The following ACP6 variants were observed in gnomAD, a reference collection of about 807,000 sequenced individuals.
ACP6 encodes acid phosphatase 6, lysophosphatidic, also known as lysophosphatidic acid phosphatase type 6.
In ACP6, 48 loss-of-function variants were observed where a neutral mutation model predicts 48.1. That is an observed-to-expected ratio of 1.00 (90% confidence interval 0.79 to 1.27). The LOEUF is 1.27. Among genes scored for constraint, ACP6 ranks in the 50% most tolerant of loss-of-function variants. The pLI is 0.00. For synonymous variants in ACP6, 172 were observed against 204.2 expected (o/e 0.84, Z 1.34); for missense variants, 485 against 529.1 (o/e 0.92, Z 0.82).
At chr1:147,639,179 A>T (rs1659386074), downstream of ACP6, among the ~76,000 whole-genome samples, 1 of 152,212 alleles carries the variant, frequency 6.6e-6, no homozygotes, top group Admixed American at 6.5e-5. Context: ...TTCAGAATCC[A>T]TTAAATCTCC....
At chr1:147,641,793 T>C (rs1557875234), downstream of ACP6, among the ~76,000 whole-genome samples, 1 of 152,044 alleles carries the variant, frequency 6.6e-6, no homozygotes, top group Non-Finnish European at 1.5e-5. Context: ...ACACAACTGG[T>C]GAGTGAGGGA....
downstream of ACP6, among the ~76,000 whole-genome samples, chr1:147,640,819 TG>T (rs1177424517): frequency 6.6e-6 from 1 of 152,158 alleles, no homozygotes; most frequent in Non-Finnish European, 1.5e-5. Context: ...AGCTTTTTAC[TG>T]GGGAAAGTGT....
At chr1:147,665,410 G>A (rs950737939) in intron 1 of ACP6, among the ~76,000 whole-genome samples, 1 of 152,188 alleles carries the variant, frequency 6.6e-6, no homozygotes, top group East Asian at 1.9e-4. Flanking sequence ...GTGTTGGTAG[G>A]TAAACACAGA....
At chr1:147,662,689 G>C (rs782621656) in intron 1 of ACP6, among the ~76,000 whole-genome samples, 2 of 152,226 alleles carry the variant, frequency 1.3e-5, no homozygotes, top group Non-Finnish European at 2.9e-5. Flanking sequence ...GGTGAAGATA[G>C]TGTGAACACT....
chr1:147,656,795 C>G (rs587725275), intron 4 of ACP6, among the ~76,000 whole-genome samples: 2 of 152,292 alleles, frequency 1.3e-5, no homozygotes, highest in Admixed American at 1.3e-4. Flanking sequence ...TCCTTGGATT[C>G]TACATCTATG....
chr1:147,632,194 AACACAC>A (rs71584653), intron 5 of ACP6, among the ~76,000 whole-genome samples: 8 of 145,928 alleles, frequency 5.5e-5, no homozygotes, highest in Non-Finnish European at 9.0e-5. Context: ...ACCTATGCCC[AACACAC>A]ACACACACAC....
chr1:147,652,612 T>C (rs782050022), intron 6 of ACP6, 63 bp from the exon 7 acceptor site: 21 of 1,611,362 alleles, frequency 1.3e-5, no homozygotes, highest in Non-Finnish European at 1.7e-5. Context: ...TGGCAGCTGA[T>C]CAGCTTCCAT....
Position 147,652,542 on chromosome 1 carries a change from T to C in ACP6, c.788A>G (p.Asn263Ser), listed in dbSNP as rs1659983358. 4 of 1,613,968 alleles carry C rather than the reference T, an allele frequency of 2.5e-6. No individual in the cohort carries two copies. The highest frequency in any genetic ancestry group is 3.4e-6 in the Non-Finnish European group (4 of 1,179,982). Residue 263 changes from asparagine (N) to serine (S), a missense_variant, in exon 7 of 10, where the codon AAC becomes AGC. By Grantham distance (46) the Asn-to-Ser change is conservative (BLOSUM62 1). Transcript: ENST00000583509. ...CTTCAGCATGGGGCAGCTTGGGAGGTTGTGTGCCTGAAAGGGCCACATGTA... is the reference window on the plus strand; with the variant it reads ...CTTCAGCATGGGGCAGCTTGGGAGGCTGTGTGCCTGAAAGGGCCACATGTA... Reference protein sequence around the residue: ...LDNVAAEQAHNLPSCPMLKRF... With the variant: ...LDNVAAEQAHSLPSCPMLKRF...
chr1:147,652,217 G>T, intron 7 of ACP6: 1 of 448,634 alleles, frequency 2.2e-6, no homozygotes, highest in South Asian at 5.5e-5. Flanking sequence ...AAGTCATGAG[G>T]GTGGTGGCTC....
At chr1:147,649,504 G>T (rs1444251100) in intron 8 of ACP6, among the ~76,000 whole-genome samples, 1 of 151,896 alleles carries the variant, frequency 6.6e-6, no homozygotes, top group Non-Finnish European at 1.5e-5. Context: ...GAGTACAGTG[G>T]TGTGATCTTG....
chr1:147,652,629 T>C (rs782107868), intron 6 of ACP6, 80 bp from the exon 7 acceptor site: 3 of 1,608,984 alleles, frequency 1.9e-6, no homozygotes, highest in Non-Finnish European at 2.5e-6. Flanking sequence ...CCATGGAACC[T>C]GCAGGAGCCC....
In ACP6 at chr1:147,647,306, A is replaced by G; in HGVS notation, c.*117T>C. ...AAACCCACAGAAAGGAAATATCCTT[A>G]CATTATATTAAAGTACATTACCCCT... On this transcript the variant is annotated 3_prime_UTR_variant, in exon 10 of 10. Coordinates refer to ENST00000583509, the MANE Select transcript of ACP6 (RefSeq NM_016361.5). The G allele has an allele frequency of 8.4e-7, 1 of 1,195,206 alleles. No homozygotes were observed. Among genetic ancestry groups the G allele is most frequent in the East Asian group, 2.4e-5 (1 of 42,530 alleles). The allele number at this position is 1,195,206 out of a possible 1,614,324, so 74.0% of individuals were successfully genotyped here. A position where few individuals can be genotyped will look rare whatever the true frequency, so the allele number is the denominator to read the frequency against.
At chr1:147,667,716 G>A (rs1033596459) in intron 1 of ACP6, among the ~76,000 whole-genome samples, 1 of 151,970 alleles carries the variant, frequency 6.6e-6, no homozygotes, top group Admixed American at 6.6e-5. Context: ...ATAACGGCCG[G>A]GTGCTGGCTC....
rs1570961523 is a variant in ACP6 at position 147,654,185 on chromosome 1, A to C, written c.780+9T>G. ...CTATTATCCCAGGCTCCCCAACCCCAGGACTCACCTGCTCGGCAGCCACGT... is the reference window on the plus strand; with the variant it reads ...CTATTATCCCAGGCTCCCCAACCCCCGGACTCACCTGCTCGGCAGCCACGT... On this transcript the variant is annotated intron_variant, in intron 6 of 9. Transcript: ENST00000583509. The C allele has an allele frequency of 6.2e-7, 1 of 1,613,728 alleles. No individual in the cohort carries two copies. Among genetic ancestry groups the C allele is most frequent in the Non-Finnish European group, 8.5e-7 (1 of 1,179,878 alleles).
intron 5 of ACP6, among the ~76,000 whole-genome samples, chr1:147,654,824 T>C (rs1473384506): frequency 4.6e-5 from 7 of 152,218 alleles, no homozygotes; most frequent in African/African-American, 1.7e-4. Flanking sequence ...TTTAACCTGT[T>C]GGTTTTCTCA....
intron 4 of ACP6, among the ~76,000 whole-genome samples, chr1:147,657,329 G>A (rs1178156151): frequency 1.3e-5 from 2 of 152,144 alleles, no homozygotes; most frequent in African/African-American, 4.8e-5. Flanking sequence ...TAGCCTATAC[G>A]TAACCACTGG....
In ACP6 at chr1:147,644,806, G is replaced by A. The variant is rs587764385; in HGVS notation, c.*2617C>T. Reference sequence around the variant, plus strand: ...GGAAGGAGTAAGTTTGAAAAGGCACGGAAATTGAGAGTTTATTGTGGACAA... The same window carrying A: ...GGAAGGAGTAAGTTTGAAAAGGCACAGAAATTGAGAGTTTATTGTGGACAA... On this transcript the variant is annotated 3_prime_UTR_variant, in exon 10 of 10. Coordinates refer to ENST00000583509, the MANE Select transcript of ACP6 (RefSeq NM_016361.5). The A allele has an allele frequency of 1.3e-5, 2 of 151,990 alleles. No homozygotes were observed. The highest frequency in any genetic ancestry group is 3.9e-4 in the East Asian group (2 of 5,180). 9.4% of individuals were successfully genotyped at this position (151,990 alleles called of 1,614,324 possible).
chr1:147,649,321 A>G (rs192472553), intron 8 of ACP6, among the ~76,000 whole-genome samples: 25 of 152,326 alleles, frequency 1.6e-4, no homozygotes, highest in African/African-American at 5.5e-4. Flanking sequence ...TTCTTGGGCA[A>G]CGGTGAAGCT....
In ACP6 at chr1:147,648,238, G is replaced by A. The variant is rs1380150651; in HGVS notation, c.1143+8C>T. On this transcript the variant is annotated splice_region_variant and intron_variant, in intron 9 of 9. Coordinates refer to ENST00000583509, the MANE Select transcript of ACP6 (RefSeq NM_016361.5). ...CACCACCACCCAACCCCACCTCAGG[G>A]GTATTACCTTCCCGTGGTAATAGAG... is the stretch of plus-strand genomic sequence containing the variant. 5.0e-6 allele frequency: 8 copies of A among 1,613,804 alleles called. No homozygotes were observed. In the African/African-American group the frequency reaches 9.3e-5, roughly 19 times the overall value.
Sources: allele counts gnomAD v4.1 joint callset (sites outside exome capture counted in the v4.1 genomes callset), GRCh38; gene constraint gnomAD v4.1.1; transcripts MANE v1.5; gene names NCBI Gene and HGNC (gene_info 2026-07-23, HGNC 2026-07-21).